Variants in CACNG3 observed in about 807,000 individuals in gnomAD.
CACNG3 encodes the protein voltage-dependent calcium channel gamma-3 subunit.
In CACNG3, 3 loss-of-function variants were observed where a neutral mutation model predicts 28.5. That is an observed-to-expected ratio of 0.11 (90% CI 0.05 to 0.27). The LOEUF (loss-of-function observed/expected upper bound fraction) is 0.27. Ranked by LOEUF, CACNG3 falls within the 10% of genes least tolerant of loss-of-function variation. The pLI is 1.00. For missense variants in CACNG3, 236 were observed against 414.4 expected, an observed-to-expected ratio of 0.57 and a Z score of 3.74; for synonymous variants, 174 against 162.2, an observed-to-expected ratio of 1.07 and a Z score of -0.55.
At chr16:24,298,104 G>A (rs1899056908) in intron 1 of CACNG3, among the ~76,000 whole-genome samples, 1 of 151,886 alleles carries the variant, frequency 6.6e-6, no homozygotes, top group Non-Finnish European at 1.5e-5. Context: ...AAAGGTACAA[G>A]TAATAATTAT....
chr16:24,256,644 C>A lies in CACNG3; in HGVS notation c.-111C>A, dbSNP rs1898463820. 4.0e-6 allele frequency: 3 copies of A among 744,060 alleles called. No individual in the cohort carries two copies. Among genetic ancestry groups the A allele is most frequent in the South Asian group, 3.2e-5 (2 of 63,096 alleles). The allele number at this position is 744,060 out of a possible 1,614,324, so 46.1% of individuals were successfully genotyped here. ...CCTGTGGATGCTGACAAAAGGAGAC[C>A]TGAATTTTTGGAAGAGCCTGTACTA... On this transcript the variant is annotated 5_prime_UTR_variant, in exon 1 of 4. It adds an upstream start codon to the 5' untranslated region. Coordinates refer to ENST00000005284, the MANE Select transcript of CACNG3 (RefSeq NM_006539.4). This position sits in a 1 kb window ranked among gnomAD's most constrained non-coding sequence, Gnocchi z 4.6.
At chr16:24,305,323 T>C (rs1899171536) in intron 1 of CACNG3, among the ~76,000 whole-genome samples, 1 of 15,414 alleles carries the variant, frequency 6.5e-5, no homozygotes, top group Non-Finnish European at 1.6e-4. Context: ...CATAAATATG[T>C]GTGTGTGTGT....
chr16:24,328,612 A>G (rs2238517), intron 1 of CACNG3, among the ~76,000 whole-genome samples: 84,387 of 151,540 alleles, frequency 0.56, 24,161 homozygotes, highest in South Asian at 0.7. Context: ...AAATATAAAC[A>G]AGATATTTCG....
chr16:24,358,830 C>T (rs975765054), intron 3 of CACNG3, among the ~76,000 whole-genome samples: 2 of 152,064 alleles, frequency 1.3e-5, no homozygotes, highest in African/African-American at 2.4e-5. Flanking sequence ...TGGCTGTGCT[C>T]GACATGGGAA....
chr16:24,309,458 C>T (rs992849212), intron 1 of CACNG3, among the ~76,000 whole-genome samples: 3 of 152,210 alleles, frequency 2.0e-5, no homozygotes, highest in Admixed American at 2.0e-4. Context: ...AGAGCCACCA[C>T]ATAAGCTTCT....
At chr16:24,356,711 G>A (rs560583378) in intron 3 of CACNG3, among the ~76,000 whole-genome samples, 6 of 152,032 alleles carry the variant, frequency 3.9e-5, no homozygotes, top group South Asian at 2.1e-4. Flanking sequence ...CAAAATAGTC[G>A]TAATCATAAT....
intron 1 of CACNG3, among the ~76,000 whole-genome samples, chr16:24,327,889 C>A (rs1051126805): frequency 6.6e-6 from 1 of 152,102 alleles, no homozygotes; most frequent in African/African-American, 2.4e-5. Flanking sequence ...CTGCAGTGAG[C>A]TATGATCATG....
At chr16:24,266,740 G>C (rs1472666794) in intron 1 of CACNG3, among the ~76,000 whole-genome samples, 5 of 152,122 alleles carry the variant, frequency 3.3e-5, no homozygotes, top group Admixed American at 1.3e-4. Context: ...TCCAGCCTAA[G>C]AGAGCTCTCT....
At chr16:24,294,388 C>T (rs1286230125) in intron 1 of CACNG3, among the ~76,000 whole-genome samples, 3 of 152,170 alleles carry the variant, frequency 2.0e-5, no homozygotes, top group Admixed American at 2.0e-4. Flanking sequence ...TAATGCTGCC[C>T]ATGGGCTGAG....
At chr16:24,299,861 G>A (rs77377731) in intron 1 of CACNG3, among the ~76,000 whole-genome samples, 24 of 152,226 alleles carry the variant, frequency 1.6e-4, no homozygotes, top group Non-Finnish European at 2.9e-4. Context: ...GGGAAGACAA[G>A]TGTGCCCTGA....
intron 1 of CACNG3, among the ~76,000 whole-genome samples, chr16:24,321,086 C>T (rs1899449894): frequency 6.6e-6 from 1 of 152,120 alleles, no homozygotes; most frequent in Non-Finnish European, 1.5e-5. Context: ...TGAAATCTTG[C>T]ACCATCCCAC....
chr16:24,317,952 C>G (rs189356927), intron 1 of CACNG3, among the ~76,000 whole-genome samples: 80 of 152,278 alleles, frequency 5.3e-4, no homozygotes, highest in Middle Eastern at 3.4e-3. Context: ...GATGCTCTCC[C>G]GCTCATCTTA....
intron 1 of CACNG3, among the ~76,000 whole-genome samples, chr16:24,322,990 T>C (rs543738753): frequency 2.6e-5 from 4 of 151,234 alleles, no homozygotes; most frequent in African/African-American, 7.3e-5. Flanking sequence ...CTTTGGGAGG[T>C]TGAGGTGGGA....
At chr16:24,289,100 CA>C (rs1194306800) in intron 1 of CACNG3, among the ~76,000 whole-genome samples, 30 of 152,110 alleles carry the variant, frequency 2.0e-4, no homozygotes, top group African/African-American at 6.8e-4. Context: ...AAGGAAACCG[CA>C]TGTCTACAAA....
chr16:24,301,044 A>G (rs1899102274), intron 1 of CACNG3, among the ~76,000 whole-genome samples: 1 of 49,526 alleles, frequency 2.0e-5, no homozygotes, highest in Non-Finnish European at 3.4e-5. Flanking sequence ...GCTCCATCTC[A>G]AAAAAAAAAA....
intron 1 of CACNG3, among the ~76,000 whole-genome samples, chr16:24,304,243 G>A (rs7200040): frequency 0.41 from 62,370 of 151,900 alleles, 14,233 homozygotes; most frequent in African/African-American, 0.61. Flanking sequence ...GTCATCATGG[G>A]AAAAAATAGA....
intron 1 of CACNG3, among the ~76,000 whole-genome samples, chr16:24,300,163 C>T (rs1276261938): frequency 6.6e-6 from 1 of 152,160 alleles, no homozygotes; most frequent in Non-Finnish European, 1.5e-5. Flanking sequence ...GTAGCATCTT[C>T]TTTTGAGTGA....
At chr16:24,313,420 T>C (rs535397719) in intron 1 of CACNG3, among the ~76,000 whole-genome samples, 2 of 152,350 alleles carry the variant, frequency 1.3e-5, no homozygotes, top group East Asian at 1.9e-4. Context: ...TCATAAACCC[T>C]ACACTAAGTT....
At chr16:24,340,926 A>G (rs1899778234) in intron 1 of CACNG3, among the ~76,000 whole-genome samples, 1 of 152,130 alleles carries the variant, frequency 6.6e-6, no homozygotes, top group African/African-American at 2.4e-5. Flanking sequence ...TTCCTGCTTT[A>G]GCTTCTACCT....
Sources: allele counts gnomAD v4.1 joint callset (sites outside exome capture counted in the v4.1 genomes callset), GRCh38; gene constraint gnomAD v4.1.1; non-coding constraint Gnocchi (gnomAD v3.1); transcripts MANE v1.5; gene names NCBI Gene and HGNC (gene_info 2026-07-23, HGNC 2026-07-21).